The following SYT2 variants were observed in gnomAD, a reference collection of about 807,000 sequenced individuals.
The protein encoded by SYT2 is synaptotagmin-2.
Under a neutral mutation model 39.9 loss-of-function variants are expected in SYT2, and 15 were observed. The observed-to-expected ratio is 0.38, with a 90% CI of 0.25 to 0.58. SYT2 has a LOEUF of 0.58. Ranked by LOEUF, SYT2 falls within the 20% of genes least tolerant of loss-of-function variation. SYT2 has a pLI of 0.70. For missense variants in SYT2, 389 were observed against 530.3 expected, an observed-to-expected ratio of 0.73 and a Z score of 2.62; for synonymous variants, 181 against 204.5, an observed-to-expected ratio of 0.89 and a Z score of 0.98.
At chr1:202,632,161 T>C (rs1232361741) in intron 1 of SYT2, 1 of 837,864 alleles carries the variant, frequency 1.2e-6, no homozygotes, top group African/African-American at 1.9e-5. Flanking sequence ...CACCACTAGA[T>C]AATTTGTGGG....
intron 1 of SYT2, among the ~76,000 whole-genome samples, chr1:202,684,830 C>T (rs1423987056): frequency 6.6e-6 from 1 of 152,198 alleles, no homozygotes; most frequent in Non-Finnish European, 1.5e-5. Flanking sequence ...TGAAATGCCC[C>T]ATCCTGACTG....
intron 1 of SYT2, among the ~76,000 whole-genome samples, chr1:202,694,589 C>T (rs1431112846): frequency 6.6e-6 from 1 of 152,140 alleles, no homozygotes; most frequent in Non-Finnish European, 1.5e-5. Context: ...CACAAAGCCA[C>T]ACACCATCCC....
At chr1:202,621,987 A>G (rs1325731916) in intron 1 of SYT2, among the ~76,000 whole-genome samples, 1 of 152,224 alleles carries the variant, frequency 6.6e-6, no homozygotes, top group Non-Finnish European at 1.5e-5. Flanking sequence ...CCAATTAAAT[A>G]TGATCTGGGG....
chr1:202,602,252 C>T (rs925444447), intron 5 of SYT2, 126 bp downstream of exon 5: 165 of 1,258,708 alleles, frequency 1.3e-4, no homozygotes, highest in Non-Finnish European at 6.2e-5. Context: ...GCCGGGGTAG[C>T]CCTGCAGTCA....
At chr1:202,709,800 G>C (rs1365188270) in intron 1 of SYT2, among the ~76,000 whole-genome samples, 2 of 152,050 alleles carry the variant, frequency 1.3e-5, no homozygotes, top group Non-Finnish European at 2.9e-5. Context: ...TTCCCACGAC[G>C]GCGGTGCCAG....
At chr1:202,603,197 A>G (rs1572613176) in intron 3 of SYT2, 79 bp from the exon 4 acceptor site, 1 of 1,561,616 alleles carries the variant, frequency 6.4e-7, no homozygotes, top group Non-Finnish European at 8.7e-7. Context: ...ATGACGGGAA[A>G]CCAGCCCCTC....
intron 1 of SYT2, among the ~76,000 whole-genome samples, chr1:202,642,357 C>T (rs1244933645): frequency 6.6e-6 from 1 of 152,100 alleles, no homozygotes; most frequent in East Asian, 1.9e-4. Flanking sequence ...TGTCCCCCCG[C>T]GCGCCCTCCC....
intron 1 of SYT2, among the ~76,000 whole-genome samples, chr1:202,665,404 T>C (rs1692463340): frequency 6.6e-6 from 1 of 152,240 alleles, no homozygotes. Flanking sequence ...TAAGTACATA[T>C]GACAAGGCGC....
chr1:202,607,967 T>G (rs971265644), intron 1 of SYT2, among the ~76,000 whole-genome samples: 2 of 152,186 alleles, frequency 1.3e-5, no homozygotes, highest in African/African-American at 4.8e-5. Context: ...TTTATTGTAT[T>G]CACAGAATAG....
chr1:202,597,052 A>C lies in SYT2; in HGVS notation c.1054-89T>G, dbSNP rs139416196. The C allele has an allele frequency of 1.5e-3, 1,815 of 1,212,984 alleles. 4 individuals carry two copies. Among genetic ancestry groups the C allele is most frequent in the Admixed American group, 2.0e-3 (105 of 51,596 alleles). The allele number at this position is 1,212,984 out of a possible 1,614,324, so 75.1% of individuals were successfully genotyped here. ...CCTCCATCAACCTCTACTCCCAATG[A>C]TTGGGAAGGTAAGGCCTCCTGGGGC... On this transcript the variant is annotated intron_variant, in intron 8 of 8. Transcript: ENST00000367268.
chr1:202,603,841 T>C (rs1208541223), intron 3 of SYT2, among the ~76,000 whole-genome samples: 2 of 152,062 alleles, frequency 1.3e-5, no homozygotes, highest in Non-Finnish European at 1.5e-5. Flanking sequence ...CCCTCCATCC[T>C]CCATATGGAT....
intron 1 of SYT2, among the ~76,000 whole-genome samples, chr1:202,676,254 C>A (rs1022663104): frequency 1.3e-5 from 2 of 152,162 alleles, no homozygotes; most frequent in Non-Finnish European, 2.9e-5. Flanking sequence ...ACCAGGTGCC[C>A]TCCAGGGAGT....
chr1:202,640,169 A>G (rs376697238), intron 1 of SYT2, among the ~76,000 whole-genome samples: 62 of 152,196 alleles, frequency 4.1e-4, no homozygotes, highest in African/African-American at 1.4e-3. Flanking sequence ...CCTCTCCCCA[A>G]GCTGACTTAT....
chr1:202,659,959 C>A (rs905209996), intron 1 of SYT2, among the ~76,000 whole-genome samples: 2 of 152,302 alleles, frequency 1.3e-5, no homozygotes, highest in East Asian at 3.9e-4. Flanking sequence ...GCAGGAGGTA[C>A]CTCCAGACCT....
At chr1:202,672,012 G>A (rs920730659) in intron 1 of SYT2, among the ~76,000 whole-genome samples, 1 of 152,124 alleles carries the variant, frequency 6.6e-6, no homozygotes, top group Admixed American at 6.5e-5. Flanking sequence ...GAACTGTCAG[G>A]AACAACAGAT....
At chr1:202,708,376 T>C (rs1654304168) in intron 1 of SYT2, among the ~76,000 whole-genome samples, 1 of 151,978 alleles carries the variant, frequency 6.6e-6, no homozygotes, top group Admixed American at 6.6e-5. Context: ...GAAACTTTCC[T>C]CTGCCTCCCT....
chr1:202,650,103 G>C (rs967891781), intron 1 of SYT2, among the ~76,000 whole-genome samples: 3 of 152,210 alleles, frequency 2.0e-5, no homozygotes, highest in African/African-American at 7.2e-5. Flanking sequence ...AGAGGGCCCC[G>C]GAAGAGGAAA....
At chr1:202,609,146 C>A (rs1337418900) in intron 1 of SYT2, among the ~76,000 whole-genome samples, 1 of 149,956 alleles carries the variant, frequency 6.7e-6, no homozygotes, top group Non-Finnish European at 1.5e-5. Flanking sequence ...TTTGTCCTTG[C>A]GATAGTTTGC....
chr1:202,675,093 G>T (rs977946570), intron 1 of SYT2, among the ~76,000 whole-genome samples: 4 of 152,108 alleles, frequency 2.6e-5, no homozygotes, highest in African/African-American at 9.7e-5. Context: ...GCACAGGAGG[G>T]CCCAGTAGTT....
Sources: allele counts gnomAD v4.1 joint callset (sites outside exome capture counted in the v4.1 genomes callset), GRCh38; gene constraint gnomAD v4.1.1; transcripts MANE v1.5; gene names NCBI Gene and HGNC (gene_info 2026-07-23, HGNC 2026-07-21).